Variants in CSMD1 observed in about 807,000 individuals in gnomAD.
CSMD1 encodes CUB and Sushi multiple domains 1.
A neutral mutation model predicts 417.5 loss-of-function variants in CSMD1; 213 were observed. The observed-to-expected ratio is 0.51, with a 90% confidence interval of 0.46 to 0.57. CSMD1 has a LOEUF of 0.57. CSMD1 is among the 20% of genes least tolerant of loss of function. CSMD1 has a pLI of 0.00. For synonymous variants in CSMD1, 2,862 were observed against 1,736.8 expected (o/e 1.65, Z -16.11); for missense variants, 6,923 against 4,529.7 (o/e 1.53, Z -15.17).
Position 4,738,745 on chromosome 8 carries a change from G to T in CSMD1, c.86-101187C>A, listed in dbSNP as rs79745681. ...ATTTGCTGTATCATAATGATTAATG[G>T]TATGCATTTCTGAATACAGGATTAA... On this transcript the variant is annotated intron_variant, in intron 1 of 69. Transcript: ENST00000635120. Among the ~76,000 whole-genome samples the T allele has an allele frequency of 7.5e-3, 1,142 of 152,114 alleles. 10 individuals are homozygous for T. Among genetic ancestry groups the T allele is most frequent in the Non-Finnish European group, 0.011 (751 of 67,984 alleles).
chr8:4,256,435 G>A (rs917985666), intron 3 of CSMD1, among the ~76,000 whole-genome samples: 1 of 152,196 alleles, frequency 6.6e-6, no homozygotes, highest in Non-Finnish European at 1.5e-5. Flanking sequence ...GAATTGTGAA[G>A]ATTAAAAGAG....
intron 50 of CSMD1, among the ~76,000 whole-genome samples, chr8:3,043,037 GTAC>G (rs1811213141): frequency 6.6e-6 from 1 of 150,442 alleles, no homozygotes; most frequent in African/African-American, 2.4e-5. Context: ...ATATGACCTA[GTAC>G]TGTGGGATTA....
In CSMD1 at chr8:3,352,715, C is replaced by G. The variant is rs570483656; in HGVS notation, c.3305-4554G>C. Among the ~76,000 whole-genome samples, 20 of 152,228 alleles carry G rather than the reference C, an allele frequency of 1.3e-4. No individual in the cohort carries two copies. The South Asian group carries it at 4.1e-3, about 32-fold the overall frequency. On this transcript the variant is annotated intron_variant, in intron 21 of 69. Coordinates refer to ENST00000635120, the MANE Select transcript of CSMD1 (RefSeq NM_033225.6). Reference sequence around the variant, plus strand: ...ATTAACCTCGCATGGTGGTGCATGCCGGTTGTCCCACCTAATTGGGAGGCT... The same window carrying G: ...ATTAACCTCGCATGGTGGTGCATGCGGGTTGTCCCACCTAATTGGGAGGCT...
At chr8:3,025,350 C>T (rs549125947) in intron 51 of CSMD1, among the ~76,000 whole-genome samples, 104 of 151,644 alleles carry the variant, frequency 6.9e-4, no homozygotes, top group Non-Finnish European at 1.3e-3. Flanking sequence ...TATTCTGATA[C>T]CGTGTATTGT....
intron 10 of CSMD1, among the ~76,000 whole-genome samples, chr8:3,557,785 G>A (rs919636955): frequency 6.6e-6 from 1 of 152,190 alleles, no homozygotes; most frequent in African/African-American, 2.4e-5. Context: ...GCCTAGGACA[G>A]ATAGAGTCTT....
chr8:4,900,507 C>T (rs1050274390), intron 1 of CSMD1, among the ~76,000 whole-genome samples: 1 of 152,140 alleles, frequency 6.6e-6, no homozygotes, highest in African/African-American at 2.4e-5. Flanking sequence ...GTCATCACTT[C>T]TGGTCTGCCA....
chr8:4,139,968 GTT>G (rs1803682578), intron 3 of CSMD1, among the ~76,000 whole-genome samples: 1 of 150,618 alleles, frequency 6.6e-6, no homozygotes, highest in Non-Finnish European at 1.5e-5. Context: ...GTGAAACTAT[GTT>G]TATGTGGGCA....
chr8:3,620,109 GAAGAA>G lies in CSMD1; in HGVS notation c.1010-3317_1010-3313del, dbSNP rs1037344002. 5.9e-5 allele frequency among the ~76,000 whole-genome samples: 9 copies of G among 151,900 alleles called. No homozygotes were observed. In the East Asian group the frequency reaches 7.7e-4, roughly 13 times the overall value. On this transcript the variant is annotated intron_variant, in intron 7 of 69. Coordinates refer to ENST00000635120, the MANE Select transcript of CSMD1 (RefSeq NM_033225.6). ...AGAGCAAGGCTCCAACTGAAGAAAA[GAAGAA>G]AAGAAAAGAAAAGAAAAGCAATGGA...
chr8:4,745,739 A>G (rs1473798044), intron 1 of CSMD1, among the ~76,000 whole-genome samples: 1 of 152,152 alleles, frequency 6.6e-6, no homozygotes, highest in Admixed American at 6.5e-5. Context: ...ATGGAGTAAC[A>G]CTCTCCAACA....
chr8:4,610,276 C>A (rs1244491094), intron 2 of CSMD1, among the ~76,000 whole-genome samples: 3 of 152,154 alleles, frequency 2.0e-5, no homozygotes, highest in Admixed American at 6.5e-5. Context: ...GTGAAACTGA[C>A]TATTGGATCC....
At chr8:4,465,930 CAGT>C (rs1282424161) in intron 2 of CSMD1, among the ~76,000 whole-genome samples, 3 of 152,126 alleles carry the variant, frequency 2.0e-5, no homozygotes, top group Non-Finnish European at 2.9e-5. Context: ...AAGGAAAAGT[CAGT>C]AGAGAAATTA....
chr8:3,457,214 C>G (rs1189691671), intron 12 of CSMD1, among the ~76,000 whole-genome samples: 1 of 151,822 alleles, frequency 6.6e-6, no homozygotes, highest in African/African-American at 2.4e-5. Context: ...CCCCCTCATC[C>G]TGCCCTCCTC....
rs915383888 is a variant in CSMD1 at position 2,978,487 on chromosome 8, C to T, written c.8566+125G>A. 72 of 736,366 alleles carry T rather than the reference C, an allele frequency of 9.8e-5. 1 individual carries two copies. The highest frequency in any genetic ancestry group is 5.5e-4 in the South Asian group (26 of 47,070). The allele number at this position is 736,366 out of a possible 1,614,324, so 45.6% of individuals were successfully genotyped here. A position where few individuals can be genotyped will look rare whatever the true frequency, so the allele number is the denominator to read the frequency against. On this transcript the variant is annotated intron_variant, in intron 55 of 69. Transcript: ENST00000635120. The stretch of plus-strand genomic sequence containing the variant: ...TCTACAGCTATCATAAAAACTCCTA[C>T]AATTGGTGATGGGAGGACAGAAGGA...
chr8:4,497,688 G>A (rs532417719), intron 2 of CSMD1, among the ~76,000 whole-genome samples: 66 of 152,288 alleles, frequency 4.3e-4, no homozygotes, highest in Non-Finnish European at 7.5e-4. Context: ...TAAAGGGAAG[G>A]CAGAGCATAA....
chr8:4,505,403 T>C (rs573934723), intron 2 of CSMD1, among the ~76,000 whole-genome samples: 2 of 152,316 alleles, frequency 1.3e-5, no homozygotes, highest in South Asian at 2.1e-4. Context: ...TAAATAAAGA[T>C]ATTAAATCAA....
chr8:3,998,684 C>T (rs1039423308), intron 4 of CSMD1, among the ~76,000 whole-genome samples: 1 of 151,898 alleles, frequency 6.6e-6, no homozygotes, highest in Admixed American at 6.6e-5. Context: ...AATGGAATAT[C>T]TTAGAAAAGT....
chr8:4,564,924 T>C lies in CSMD1; in HGVS notation c.302+72418A>G, dbSNP rs115909515. Among the ~76,000 whole-genome samples, 877 of 152,328 alleles carry C rather than the reference T, an allele frequency of 5.8e-3. 7 individuals are homozygous for C. The highest frequency in any genetic ancestry group is 0.019 in the African/African-American group (805 of 41,586). ...ACCCATTTCTCTATGATATAGTTAA[T>C]AGCGGCTTTTCTAGTGTTATGAATT... On this transcript the variant is annotated intron_variant, in intron 2 of 69. Coordinates refer to ENST00000635120, the MANE Select transcript of CSMD1 (RefSeq NM_033225.6).
chr8:3,983,976 T>C lies in CSMD1; in HGVS notation c.818+13927A>G, dbSNP rs555347339. Among the ~76,000 whole-genome samples the C allele has an allele frequency of 6.6e-5, 10 of 152,080 alleles. No individual in the cohort carries two copies. In the East Asian group the frequency reaches 1.4e-3, roughly 21 times the overall value. ...ATTGCAGATCTGATGGGGCTGTCAATTGCAGCTCTAGAGCACAGGGCAGAT... is the reference window on the plus strand; with the variant it reads ...ATTGCAGATCTGATGGGGCTGTCAACTGCAGCTCTAGAGCACAGGGCAGAT... On this transcript the variant is annotated intron_variant, in intron 5 of 69. Coordinates refer to ENST00000635120, the MANE Select transcript of CSMD1 (RefSeq NM_033225.6).
In CSMD1 at chr8:3,580,568, A is replaced by G. The variant is rs141275749; in HGVS notation, c.1223-5502T>C. 8.8e-3 allele frequency among the ~76,000 whole-genome samples: 1,335 copies of G among 152,332 alleles called. 21 individuals are homozygous for G. The highest frequency in any genetic ancestry group is 0.03 in the African/African-American group (1,260 of 41,568). The stretch of plus-strand genomic sequence containing the variant: ...AAGATACAAAACTATATTATTGCCA[A>G]TAACTTAGTAAAAATAATAAGGAGA... On this transcript the variant is annotated intron_variant, in intron 9 of 69. Transcript: ENST00000635120.
Sources: allele counts gnomAD v4.1 joint callset (sites outside exome capture counted in the v4.1 genomes callset), GRCh38; gene constraint gnomAD v4.1.1; transcripts MANE v1.5; gene names NCBI Gene and HGNC (gene_info 2026-07-23, HGNC 2026-07-21).